The following SOX5 variants were observed in gnomAD, a reference collection of about 807,000 sequenced individuals.
SOX5 encodes SRY-box transcription factor 5.
A neutral mutation model predicts 92.0 loss-of-function variants in SOX5; 9 were observed. That is an observed-to-expected ratio of 0.10 (90% CI 0.06 to 0.17). The LOEUF (loss-of-function observed/expected upper bound fraction) is 0.17, where lower values mean the gene tolerates loss of function less well. Among genes scored for constraint, SOX5 ranks in the 10% least tolerant of loss-of-function variants. SOX5 has a pLI of 1.00. For missense variants in SOX5, 642 were observed against 944.5 expected (o/e 0.68, Z 4.20); for synonymous variants, 344 against 336.3 (o/e 1.02, Z -0.25).
At chr12:23,834,205 T>C (rs955421871) in intron 3 of SOX5, among the ~76,000 whole-genome samples, 8 of 151,888 alleles carry the variant, frequency 5.3e-5, no homozygotes, top group Non-Finnish European at 1.0e-4. Context: ...TGGAACGGCA[T>C]ATAAAACAGC....
chr12:23,727,714 T>C (rs2093209939), intron 6 of SOX5, among the ~76,000 whole-genome samples: 1 of 152,086 alleles, frequency 6.6e-6, no homozygotes, highest in Non-Finnish European at 1.5e-5. Flanking sequence ...ATCATGGTAT[T>C]TAAAGTTGAT....
intron 3 of SOX5, among the ~76,000 whole-genome samples, chr12:23,791,370 T>A (rs74350830): frequency 1.3e-5 from 2 of 152,186 alleles, no homozygotes; most frequent in Admixed American, 1.3e-4. Flanking sequence ...GGTGCAATCA[T>A]AGCATACTAC....
chr12:24,007,789 G>A (rs1276513843), intron 4 of SOX5, among the ~76,000 whole-genome samples: 25 of 13,804 alleles, frequency 1.8e-3, no homozygotes, highest in Non-Finnish European at 6.2e-3. Flanking sequence ...ATACACATAC[G>A]CACGCACACA....
chr12:23,535,186 C>T (rs894770568), intron 14 of SOX5, among the ~76,000 whole-genome samples: 4 of 152,102 alleles, frequency 2.6e-5, no homozygotes, highest in Non-Finnish European at 5.9e-5. Flanking sequence ...TTATAACATG[C>T]AGAAATAGTA....
intron 7 of SOX5, among the ~76,000 whole-genome samples, chr12:23,649,881 A>G (rs1938348430): frequency 6.6e-6 from 1 of 152,078 alleles, no homozygotes; most frequent in Admixed American, 6.6e-5. Flanking sequence ...TGAAATGCAG[A>G]TGTGGTTTTA....
At chr12:23,609,175 G>A (rs976309981) in intron 8 of SOX5, among the ~76,000 whole-genome samples, 1 of 152,154 alleles carries the variant, frequency 6.6e-6, no homozygotes, top group Non-Finnish European at 1.5e-5. Flanking sequence ...GATTGGTGTG[G>A]AACAGTGAGT....
chr12:23,731,441 C>T (rs2093389442), intron 6 of SOX5, among the ~76,000 whole-genome samples: 1 of 152,022 alleles, frequency 6.6e-6, no homozygotes, highest in African/African-American at 2.4e-5. Flanking sequence ...TTTTGGGGAG[C>T]CCTGAGTAAT....
At chr12:24,320,871 A>AAATAAT (rs931920621) in intron 2 of SOX5, among the ~76,000 whole-genome samples, 3 of 148,224 alleles carry the variant, frequency 2.0e-5, no homozygotes, top group African/African-American at 7.5e-5. Context: ...TCTCAAAAAA[A>AAATAAT]AATAATAATA....
At chr12:24,408,038 C>T (rs951082724) in intron 1 of SOX5, among the ~76,000 whole-genome samples, 3 of 151,956 alleles carry the variant, frequency 2.0e-5, no homozygotes, top group East Asian at 1.9e-4. Context: ...GCAGAGATCT[C>T]GATGAAGTGA....
intron 3 of SOX5, among the ~76,000 whole-genome samples, chr12:24,228,717 C>T (rs1396759756): frequency 6.6e-6 from 1 of 152,052 alleles, no homozygotes; most frequent in Non-Finnish European, 1.5e-5. Context: ...GCACACACCC[C>T]ACATACATAC....
At chr12:24,085,460 G>A (rs1042089484) in intron 4 of SOX5, among the ~76,000 whole-genome samples, 3 of 152,150 alleles carry the variant, frequency 2.0e-5, no homozygotes, top group South Asian at 4.1e-4. Context: ...AGATGGCAGC[G>A]TGACCTCAGA....
intron 10 of SOX5, among the ~76,000 whole-genome samples, chr12:23,570,458 T>C (rs1947965154): frequency 6.6e-6 from 1 of 152,106 alleles, no homozygotes; most frequent in Admixed American, 6.6e-5. Context: ...ACAAGGTTTT[T>C]CTCATTAAAA....
intron 7 of SOX5, among the ~76,000 whole-genome samples, chr12:23,649,289 A>C (rs1036458339): frequency 6.6e-6 from 1 of 152,098 alleles, no homozygotes. Context: ...AAGAAAAAAA[A>C]AAGAGTTTTT....
At chr12:24,427,754 A>G (rs1966857159) in intron 1 of SOX5, among the ~76,000 whole-genome samples, 1 of 152,176 alleles carries the variant, frequency 6.6e-6, no homozygotes, top group African/African-American at 2.4e-5. Context: ...TGTAACAGTA[A>G]AAGACTAACA....
chr12:23,584,804 C>T (rs1250069165), intron 9 of SOX5, among the ~76,000 whole-genome samples: 1 of 151,876 alleles, frequency 6.6e-6, no homozygotes, highest in Non-Finnish European at 1.5e-5. Context: ...CAAGAAAAGG[C>T]TAGGGAAGCC....
chr12:23,569,332 C>A (rs1248931499), intron 10 of SOX5, among the ~76,000 whole-genome samples: 1 of 152,030 alleles, frequency 6.6e-6, no homozygotes, highest in African/African-American at 2.4e-5. Context: ...TGTAATAGCC[C>A]ATGAAAAAAT....
At chr12:24,113,948 T>C (rs1429594640) in intron 4 of SOX5, among the ~76,000 whole-genome samples, 1 of 152,192 alleles carries the variant, frequency 6.6e-6, no homozygotes, top group Non-Finnish European at 1.5e-5. Context: ...AATTCAGTAA[T>C]GCAGCAAACT....
At chr12:24,359,841 CT>C (rs1185937626) in intron 2 of SOX5, among the ~76,000 whole-genome samples, 1 of 152,140 alleles carries the variant, frequency 6.6e-6, no homozygotes, top group Non-Finnish European at 1.5e-5. Context: ...AACAAAAAAG[CT>C]GTCTCTTTTC....
At chr12:24,226,577 TCTC>T (rs1013203411) in intron 3 of SOX5, among the ~76,000 whole-genome samples, 10 of 152,030 alleles carry the variant, frequency 6.6e-5, no homozygotes, top group Non-Finnish European at 7.4e-5. Context: ...TTCAAGCAAT[TCTC>T]CTGCCTCAAC....
Sources: gnomAD v4.1 joint callset for allele counts (sites outside exome capture counted in the v4.1 genomes callset) on GRCh38, gnomAD v4.1.1 for gene constraint, MANE v1.5 for transcripts, NCBI Gene and HGNC (gene_info 2026-07-23, HGNC 2026-07-21) for gene names.